RAB28: variants seen among roughly 807,000 people sequenced by gnomAD.
The protein encoded by RAB28 is ras-related protein Rab-28.
A neutral mutation model predicts 31.7 loss-of-function variants in RAB28; 24 were observed. That is an observed-to-expected ratio of 0.76 (90% CI 0.55 to 1.06). RAB28 has a LOEUF of 1.06. Ranked by LOEUF, RAB28 falls within the 50% of genes least tolerant of loss-of-function variation. The probability of loss-of-function intolerance (pLI) is 0.00; values close to 1 mark genes in which losing one functional copy is unlikely to be tolerated. For missense variants in RAB28, 254 were observed against 258.5 expected (o/e 0.98, Z 0.12); for synonymous variants, 100 against 90.4 (o/e 1.11, Z -0.60).
intron 4 of RAB28, among the ~76,000 whole-genome samples, chr4:13,389,025 AGTC>A (rs1729508990): frequency 6.6e-6 from 1 of 152,134 alleles, no homozygotes; most frequent in Non-Finnish European, 1.5e-5. Context: ...CAACAGCACT[AGTC>A]ATAATAGCTA....
chr4:13,378,728 AG>A (rs1729015616), intron 5 of RAB28, among the ~76,000 whole-genome samples: 2 of 152,232 alleles, frequency 1.3e-5, no homozygotes, highest in South Asian at 4.1e-4. Flanking sequence ...TAGATCCCAT[AG>A]TAACCACAGA....
At chr4:13,473,090 A>G (rs1446521104) in intron 3 of RAB28, among the ~76,000 whole-genome samples, 1 of 152,006 alleles carries the variant, frequency 6.6e-6, no homozygotes, top group Non-Finnish European at 1.5e-5. Context: ...ATTAGCCTCT[A>G]TAGCCATACT....
At chr4:13,379,119 T>C (rs867389961) in intron 5 of RAB28, among the ~76,000 whole-genome samples, 3 of 148,350 alleles carry the variant, frequency 2.0e-5, no homozygotes, top group Non-Finnish European at 4.4e-5. Context: ...AGGCGGAGAA[T>C]TGCTTTAACC....
chr4:13,383,047 C>G (rs1261397625), intron 4 of RAB28, among the ~76,000 whole-genome samples: 1 of 152,040 alleles, frequency 6.6e-6, no homozygotes, highest in Non-Finnish European at 1.5e-5. Flanking sequence ...GGCCAGAGTG[C>G]TATTCCTTAA....
intron 4 of RAB28, among the ~76,000 whole-genome samples, chr4:13,433,174 ATTCTT>A (rs956923445): frequency 2.6e-5 from 4 of 151,632 alleles, no homozygotes; most frequent in African/African-American, 9.7e-5. Context: ...AGGGGTTGCT[ATTCTT>A]TTATCAGATA....
At chr4:13,378,314 T>C (rs1440624464) in intron 5 of RAB28, among the ~76,000 whole-genome samples, 2 of 152,188 alleles carry the variant, frequency 1.3e-5, no homozygotes, top group African/African-American at 4.8e-5. Flanking sequence ...TTTATGTTGC[T>C]ACTTAATAAA....
intron 4 of RAB28, among the ~76,000 whole-genome samples, chr4:13,384,736 G>A (rs1054728025): frequency 2.6e-5 from 4 of 152,270 alleles, no homozygotes; most frequent in Middle Eastern, 3.4e-3. Flanking sequence ...ATCAAAGACC[G>A]AAAGAACATA....
chr4:13,371,994 G>C (rs1728732654), intron 6 of RAB28: 2 of 853,710 alleles, frequency 2.3e-6, no homozygotes, highest in Admixed American at 4.5e-5. Flanking sequence ...AGCAACCTAT[G>C]GGTTGGGGCA....
intron 4 of RAB28, among the ~76,000 whole-genome samples, chr4:13,384,890 T>A (rs1189643814): frequency 6.6e-6 from 1 of 152,056 alleles, no homozygotes; most frequent in Non-Finnish European, 1.5e-5. Flanking sequence ...AGAAAAAGAA[T>A]TCAGAATATG....
intron 4 of RAB28, among the ~76,000 whole-genome samples, chr4:13,447,278 T>G (rs901538801): frequency 6.6e-6 from 1 of 152,174 alleles, no homozygotes; most frequent in African/African-American, 2.4e-5. Context: ...TCAAAACCTT[T>G]GAAGGCTTTC....
intron 3 of RAB28, among the ~76,000 whole-genome samples, chr4:13,466,738 T>C (rs1204285639): frequency 6.6e-6 from 1 of 152,014 alleles, no homozygotes; most frequent in Non-Finnish European, 1.5e-5. Flanking sequence ...ACTCCCATGT[T>C]TGTTGCAGCA....
Sources: allele counts gnomAD v4.1 joint callset (sites outside exome capture counted in the v4.1 genomes callset), GRCh38; gene constraint gnomAD v4.1.1; transcripts MANE v1.5; gene names NCBI Gene and HGNC (gene_info 2026-07-23, HGNC 2026-07-21).